The following NXPE2 variants were observed in gnomAD, a reference collection of about 807,000 sequenced individuals.
The protein encoded by NXPE2 is neurexophilin and PC-esterase domain family member 2, also known as NXPE family member 2.
NXPE2 carries 34 observed loss-of-function variants against 34.4 expected under a neutral mutation model. The observed-to-expected ratio is 0.99, with a 90% CI of 0.75 to 1.31. NXPE2 has a LOEUF of 1.31. Ranked by LOEUF, NXPE2 falls within the 40% of genes most tolerant of loss-of-function variation. NXPE2 has a pLI of 0.00. For missense variants in NXPE2, 649 were observed against 672.5 expected, an observed-to-expected ratio of 0.97 and a Z score of 0.39; for synonymous variants, 235 against 231.3, an observed-to-expected ratio of 1.02 and a Z score of -0.15.
At chr11:114,634,789 T>C in the NXPE2 span, among the ~76,000 whole-genome samples, 3 of 152,082 alleles carry the variant, frequency 2.0e-5, no homozygotes, top group African/African-American at 4.8e-5. Flanking sequence ...TGTGGCATTA[T>C]TTCTGAGGGC....
At chr11:114,575,705 A>T in the NXPE2 span, among the ~76,000 whole-genome samples, 3 of 152,214 alleles carry the variant, frequency 2.0e-5, no homozygotes, top group African/African-American at 7.2e-5. Flanking sequence ...TATAGATGAC[A>T]TGAATAAATG....
At chr11:114,474,985 A>AAAAAT in the NXPE2 span, among the ~76,000 whole-genome samples, 1 of 152,182 alleles carries the variant, frequency 6.6e-6, no homozygotes. Context: ...TTGGAAGTGA[A>AAAAAT]AAAATAGTAA....
At chr11:114,577,588 G>C in the NXPE2 span, among the ~76,000 whole-genome samples, 1 of 152,164 alleles carries the variant, frequency 6.6e-6, no homozygotes, top group South Asian at 2.1e-4. Context: ...ATGTAAATGT[G>C]AAAGATTACG....
the NXPE2 span, among the ~76,000 whole-genome samples, chr11:114,616,063 T>C: frequency 6.6e-6 from 1 of 151,712 alleles, no homozygotes; most frequent in Admixed American, 6.6e-5. Context: ...AAGTATTGCC[T>C]CATGGGTAAA....
chr11:114,805,402 G>A, the NXPE2 span, among the ~76,000 whole-genome samples: 1,028 of 152,262 alleles, frequency 6.8e-3, 8 homozygotes, highest in African/African-American at 0.024. Flanking sequence ...CGCCTCACCC[G>A]GGAAGCACAA....
chr11:114,649,295 A>C, the NXPE2 span, among the ~76,000 whole-genome samples: 1 of 152,218 alleles, frequency 6.6e-6, no homozygotes, highest in Non-Finnish European at 1.5e-5. Flanking sequence ...ATGTTCTTAG[A>C]AGCATTATTC....
chr11:114,783,650 G>T, the NXPE2 span, among the ~76,000 whole-genome samples: 465 of 152,250 alleles, frequency 3.1e-3, 1 homozygote, highest in African/African-American at 0.011. Flanking sequence ...TGAGATTAAT[G>T]GTTTGTTTTT....
At chr11:114,717,135 G>A in the NXPE2 span, among the ~76,000 whole-genome samples, 5 of 152,092 alleles carry the variant, frequency 3.3e-5, no homozygotes, top group African/African-American at 1.2e-4. Context: ...GACGTACCTG[G>A]TTACTAACTG....
At chr11:114,659,645 T>C in the NXPE2 span, among the ~76,000 whole-genome samples, 1 of 152,064 alleles carries the variant, frequency 6.6e-6, no homozygotes, top group Non-Finnish European at 1.5e-5. Flanking sequence ...GAAAATAATA[T>C]ATCAAAATAT....
the NXPE2 span, among the ~76,000 whole-genome samples, chr11:114,717,471 G>A: frequency 1.3e-5 from 2 of 152,170 alleles, no homozygotes; most frequent in South Asian, 2.1e-4. Flanking sequence ...GATCCCAAAT[G>A]TTTCAAAGTA....
At chr11:114,769,534 C>G in the NXPE2 span, among the ~76,000 whole-genome samples, 1 of 152,254 alleles carries the variant, frequency 6.6e-6, no homozygotes, top group East Asian at 1.9e-4. Context: ...CAACACTGTT[C>G]ACAATAGCAA....
At chr11:114,764,009 T>A in the NXPE2 span, among the ~76,000 whole-genome samples, 4 of 152,184 alleles carry the variant, frequency 2.6e-5, no homozygotes, top group South Asian at 8.3e-4. Flanking sequence ...CATGTCATAT[T>A]TACCAGTAAT....
At chr11:114,780,241 C>T in the NXPE2 span, among the ~76,000 whole-genome samples, 1 of 152,342 alleles carries the variant, frequency 6.6e-6, no homozygotes, top group South Asian at 2.1e-4. Flanking sequence ...AGATGGACCA[C>T]AGGTTTCCCT....
the NXPE2 span, among the ~76,000 whole-genome samples, chr11:114,787,706 T>G: frequency 6.6e-6 from 1 of 152,206 alleles, no homozygotes; most frequent in South Asian, 2.1e-4. Context: ...CAGATGCTAC[T>G]ATGTATGTAT....
the NXPE2 span, among the ~76,000 whole-genome samples, chr11:114,647,958 C>T: frequency 1.3e-5 from 2 of 152,228 alleles, no homozygotes; most frequent in East Asian, 1.9e-4. Context: ...CCTTGGCCTC[C>T]CAAAGTTCTG....
At chr11:114,540,444 A>G in the NXPE2 span, among the ~76,000 whole-genome samples, 135 of 152,350 alleles carry the variant, frequency 8.9e-4, no homozygotes, top group African/African-American at 3.0e-3. Flanking sequence ...ACTCATAACT[A>G]TATATCTTCC....
the NXPE2 span, chr11:114,554,371 A>T: frequency 3.0e-6 from 3 of 985,190 alleles, no homozygotes; most frequent in Non-Finnish European, 2.4e-6. Flanking sequence ...GCAGCAGCCT[A>T]GCTTAGACCA....
At chr11:114,529,108 CT>C in the NXPE2 span, 1 of 309,472 alleles carries the variant, frequency 3.2e-6, no homozygotes, top group Non-Finnish European at 5.9e-6. Flanking sequence ...GGAAAAAAGA[CT>C]CTAAACTTGA....
At chr11:114,803,604 G>T in the NXPE2 span, among the ~76,000 whole-genome samples, 57 of 150,924 alleles carry the variant, frequency 3.8e-4, no homozygotes, top group Non-Finnish European at 6.8e-4. Flanking sequence ...TTGAGATGGA[G>T]TCTCACTCTG....
Sources: gnomAD v4.1 joint callset for allele counts (sites outside exome capture counted in the v4.1 genomes callset) on GRCh38, gnomAD v4.1.1 for gene constraint, MANE v1.5 for transcripts, NCBI Gene and HGNC (gene_info 2026-07-23, HGNC 2026-07-21) for gene names.